Variants in RAB14 observed in about 807,000 individuals in gnomAD.
The protein encoded by RAB14 is ras-related protein Rab-14.
Under a neutral mutation model 31.1 loss-of-function variants are expected in RAB14, and 3 were observed. The ratio of observed to expected loss-of-function variants is 0.10; its 90% confidence interval spans 0.04 to 0.25. RAB14 has a LOEUF of 0.25. RAB14 is among the 10% of genes least tolerant of loss of function. RAB14 has a pLI of 1.00. For synonymous variants in RAB14, 85 were observed against 84.9 expected (o/e 1.00, Z 0.00); for missense variants, 111 against 260.1 (o/e 0.43, Z 3.94).
At position 121,181,377 on chromosome 9, in the gene RAB14, G is replaced by C. The variant is rs750111600; in HGVS notation, c.*19C>G. The C allele has an allele frequency of 1.3e-6, 2 of 1,566,396 alleles. No individual in the cohort carries two copies. The highest frequency in any genetic ancestry group is 2.3e-5 in the South Asian group (2 of 86,980). On this transcript the variant is annotated 3_prime_UTR_variant, in exon 8 of 8. Transcript: ENST00000373840. ...GACAGAGGTGAAAGGTCAAATGAGG[G>C]GCCACAGCAAAGAGGTCACTAGCAG...
intron 4 of RAB14, among the ~76,000 whole-genome samples, chr9:121,189,209 T>C (rs1009546493): frequency 6.6e-6 from 1 of 152,270 alleles, no homozygotes; most frequent in East Asian, 1.9e-4. Context: ...ATGCATGTTC[T>C]GGTTGTTCCC....
At chr9:121,190,979 G>C (rs1429863867) in intron 3 of RAB14, among the ~76,000 whole-genome samples, 1 of 152,174 alleles carries the variant, frequency 6.6e-6, no homozygotes, top group East Asian at 1.9e-4. Context: ...AAGTTTTGCA[G>C]GTCAAAAGGT....
intron 1 of RAB14, among the ~76,000 whole-genome samples, chr9:121,199,542 T>C (rs991704131): frequency 2.0e-5 from 3 of 152,230 alleles, no homozygotes; most frequent in Admixed American, 1.3e-4. Context: ...AATATCTTAC[T>C]GTGACTATGC....
At chr9:121,197,825 C>T (rs1261958463) in intron 1 of RAB14, among the ~76,000 whole-genome samples, 2 of 152,108 alleles carry the variant, frequency 1.3e-5, no homozygotes, top group African/African-American at 4.8e-5. Context: ...TTTAATGCAC[C>T]ATTTTTACAG....
intron 1 of RAB14, among the ~76,000 whole-genome samples, chr9:121,201,412 C>G (rs909381571): frequency 1.3e-5 from 2 of 152,062 alleles, no homozygotes; most frequent in Non-Finnish European, 2.9e-5. Context: ...GCAGGAGGCT[C>G]AGGCCGGAGC....
At chr9:121,197,615 T>C (rs186280207) in intron 1 of RAB14, among the ~76,000 whole-genome samples, 1 of 152,318 alleles carries the variant, frequency 6.6e-6, no homozygotes, top group East Asian at 1.9e-4. Context: ...CACAGACATA[T>C]AAACGACTAG....
At chr9:121,183,016 C>T (rs1019982395) in intron 6 of RAB14, 56 bp from the exon 7 acceptor site, 2 of 1,502,282 alleles carry the variant, frequency 1.3e-6, no homozygotes, top group Admixed American at 1.9e-5. Context: ...CACAAGTGCA[C>T]TTCTTTAGTA....
chr9:121,182,435 TAATA>T (rs944822414), intron 7 of RAB14, among the ~76,000 whole-genome samples: 3 of 152,220 alleles, frequency 2.0e-5, no homozygotes, highest in African/African-American at 7.2e-5. Flanking sequence ...ATTTTTGGCC[TAATA>T]AATGAAGAAC....
chr9:121,189,266 A>G (rs1248127443), intron 4 of RAB14, among the ~76,000 whole-genome samples: 1 of 152,132 alleles, frequency 6.6e-6, no homozygotes, highest in Non-Finnish European at 1.5e-5. Flanking sequence ...AGATTTTACC[A>G]AAAGTATTAA....
At chr9:121,183,878 G>C (rs991486314) in intron 5 of RAB14, among the ~76,000 whole-genome samples, 3 of 152,148 alleles carry the variant, frequency 2.0e-5, no homozygotes, top group African/African-American at 7.2e-5. Context: ...AGCTCCAGGG[G>C]ATCTGTAAAT....
At chr9:121,192,050 T>G (rs2053689763) in intron 3 of RAB14, 121 bp downstream of exon 3, 2 of 676,978 alleles carry the variant, frequency 3.0e-6, no homozygotes, top group African/African-American at 1.8e-5. Context: ...TTAAAAAAAG[T>G]ACAAATATAG....
chr9:121,193,305 A>G (rs1241650155), intron 2 of RAB14, 56 bp downstream of exon 2: 2 of 1,214,854 alleles, frequency 1.6e-6, no homozygotes, highest in Admixed American at 1.9e-5. Flanking sequence ...TAACATATAA[A>G]TATTTTGTAT....
intron 1 of RAB14, among the ~76,000 whole-genome samples, chr9:121,194,045 T>C (rs975136545): frequency 3.3e-5 from 5 of 151,810 alleles, no homozygotes; most frequent in Non-Finnish European, 5.9e-5. Flanking sequence ...TCAAAGTTTA[T>C]TGGCATTTTC....
At chr9:121,187,803 T>C (rs1400178743) in intron 4 of RAB14, among the ~76,000 whole-genome samples, 1 of 151,982 alleles carries the variant, frequency 6.6e-6, no homozygotes, top group Non-Finnish European at 1.5e-5. Context: ...ATAATAAAAT[T>C]TTTGAGGTTA....
chr9:121,192,356 T>TAATG (rs1283158749), intron 2 of RAB14, 132 bp from the exon 3 acceptor site: 9 of 529,276 alleles, frequency 1.7e-5, no homozygotes, highest in Middle Eastern at 3.3e-4. Flanking sequence ...TCCTACTTTA[T>TAATG]AATGATTCAA....
At chr9:121,186,630 C>G (rs2053661102) in intron 5 of RAB14, among the ~76,000 whole-genome samples, 1 of 152,088 alleles carries the variant, frequency 6.6e-6, no homozygotes, top group Non-Finnish European at 1.5e-5. Context: ...CCAGTATCCT[C>G]CAATGCTAAA....
Position 121,190,546 on chromosome 9 carries a change from T to A in RAB14, c.284+8A>T. ...TCCCCATATGAAGGTTGAAAAATTA[T>A]CTCTTACCTAGTGATATCATAGACC... On this transcript the variant is annotated splice_region_variant and intron_variant, in intron 4 of 7. Transcript: ENST00000373840. 2 of 1,561,668 alleles carry A rather than the reference T, an allele frequency of 1.3e-6. No homozygotes were observed. The highest frequency in any genetic ancestry group is 1.7e-6 in the Non-Finnish European group (2 of 1,153,300).
Position 121,182,917 on chromosome 9 carries a change from T to C in RAB14, c.470+13A>G. 1 of 1,602,078 alleles carries C rather than the reference T, an allele frequency of 6.2e-7. No individual in the cohort carries two copies. The highest frequency in any genetic ancestry group is 8.5e-7 in the Non-Finnish European group (1 of 1,171,394). On this transcript the variant is annotated intron_variant, in intron 7 of 7. Coordinates refer to ENST00000373840, the MANE Select transcript of RAB14 (RefSeq NM_016322.4). The stretch of plus-strand genomic sequence containing the variant: ...GAATATAATTGAAATATCTGTATTT[T>C]GGTCACACTTACGTTTTTGCACTCG...
At chr9:121,185,014 G>T (rs779188190) in intron 5 of RAB14, among the ~76,000 whole-genome samples, 3 of 152,072 alleles carry the variant, frequency 2.0e-5, no homozygotes, top group Non-Finnish European at 4.4e-5. Context: ...TACAAAACAT[G>T]CCCACAACAA....
Sources: gnomAD v4.1 joint callset for allele counts (sites outside exome capture counted in the v4.1 genomes callset) on GRCh38, gnomAD v4.1.1 for gene constraint, MANE v1.5 for transcripts, NCBI Gene and HGNC (gene_info 2026-07-23, HGNC 2026-07-21) for gene names.